The following GBGT1 variants were observed in gnomAD, a reference collection of about 807,000 sequenced individuals.
GBGT1 encodes the protein globoside alpha-1,3-N-acetylgalactosaminyltransferase 1.
GBGT1 carries 18 observed loss-of-function variants against 20.9 expected under a neutral mutation model. The observed-to-expected ratio is 0.86, with a 90% confidence interval of 0.60 to 1.28. GBGT1 has a LOEUF of 1.28. Among genes scored for constraint, GBGT1 ranks in the 50% most tolerant of loss-of-function variants. The pLI, the probability that GBGT1 is intolerant of heterozygous loss-of-function variation, is 0.00. For synonymous variants in GBGT1, 168 were observed against 180.8 expected, an observed-to-expected ratio of 0.93 and a Z score of 0.57; for missense variants, 432 against 455.7, an observed-to-expected ratio of 0.95 and a Z score of 0.47.
At position 133,153,747 on chromosome 9, in the gene GBGT1, T is replaced by C. The variant is rs760073555; in HGVS notation, c.874A>G (p.Met292Val). The change falls in exon 7 of 7, where the codon ATG (methionine) becomes GTG (valine). Residue 292 changes from methionine to valine, a missense_variant. By Grantham distance (21) the Met-to-Val change is conservative (BLOSUM62 1). Transcript: ENST00000372040. ...TGGCTTTCCTCCCGCCAGGCAGCCA[T>C]GATGCCATTGGCCTTGTCCGCCAGG... ...AILADKANGI[M>V]AAWREESHLN... is the part of the protein sequence containing the mutation. 2 of 1,613,234 alleles carry C rather than the reference T, an allele frequency of 1.2e-6. No homozygotes were observed. Among genetic ancestry groups the C allele is most frequent in the South Asian group, 2.2e-5 (2 of 90,940 alleles).
At chr9:133,158,961 T>C (rs1685931827) in intron 3 of GBGT1, among the ~76,000 whole-genome samples, 1 of 152,144 alleles carries the variant, frequency 6.6e-6, no homozygotes, top group African/African-American at 2.4e-5. Context: ...TAGCTACTTT[T>C]TTTTTTCTTT....
rs371319536 is a variant in GBGT1, at chr9:133,162,437, G to A, written c.-25C>T. On this transcript the variant is annotated 5_prime_UTR_variant, in exon 2 of 7. Transcript: ENST00000372040. ...TTGCTGGGGGCTGCACCTGAGCCTG[G>A]GCACTTGTAGAGACCCCCACTGGCC... 8.8e-6 allele frequency: 14 copies of A among 1,584,860 alleles called. No individual in the cohort carries two copies. The highest frequency in any genetic ancestry group is 1.3e-5 in the African/African-American group (1 of 74,670).
At chr9:133,158,382 G>A (rs913396788) in intron 3 of GBGT1, among the ~76,000 whole-genome samples, 5 of 152,060 alleles carry the variant, frequency 3.3e-5, no homozygotes, top group Non-Finnish European at 2.9e-5. Context: ...GAGCTCAAGC[G>A]GTCCTCCCAC....
In GBGT1 at chr9:133,153,151, C is replaced by T. The variant is rs1434104595; in HGVS notation, c.*426G>A. On this transcript the variant is annotated 3_prime_UTR_variant, in exon 7 of 7. Transcript: ENST00000372040. ...GGGAGACATCAAAGGACCCAGGACC[C>T]CTGTGACCAGAGAAAAGGGGTCTAG... The T allele has an allele frequency of 6.4e-6, 1 of 155,096 alleles. No homozygotes were observed. Among genetic ancestry groups the T allele is most frequent in the Admixed American group, 6.5e-5 (1 of 15,346 alleles). 9.6% of individuals were successfully genotyped at this position (155,096 alleles called of 1,614,324 possible). A position where few individuals can be genotyped will look rare whatever the true frequency, so the allele number is the denominator to read the frequency against.
chr9:133,157,501 T>C (rs1273647582), intron 3 of GBGT1, among the ~76,000 whole-genome samples: 3 of 152,250 alleles, frequency 2.0e-5, no homozygotes, highest in Non-Finnish European at 4.4e-5. Flanking sequence ...AAACCATCCT[T>C]AGCCTTAGCG....
In GBGT1 at chr9:133,155,226, T is replaced by C; in HGVS notation, c.311A>G (p.Tyr104Cys). The C allele has an allele frequency of 1.9e-6, 3 of 1,611,210 alleles. No individual in the cohort carries two copies. The highest frequency in any genetic ancestry group is 2.5e-6 in the Non-Finnish European group (3 of 1,179,208). Residue 104 changes from tyrosine to cysteine, a missense_variant, in exon 6 of 7, where the codon TAC becomes TGC. Coordinates refer to ENST00000372040, the MANE Select transcript of GBGT1 (RefSeq NM_021996.6). ...CCCAATGGTCAGGTTCAGTGGCTGG[T>C]AGATGTGCTGCAGAAGCTCTGGGTT... ...TFNPELLQHIYQPLNLTIGVT... is the reference protein window; with the variant it reads ...TFNPELLQHICQPLNLTIGVT...
chr9:133,162,618 T>G (rs1309907945), intron 1 of GBGT1, 86 bp from the exon 2 acceptor site: 2 of 584,980 alleles, frequency 3.4e-6, no homozygotes, highest in East Asian at 5.8e-5. Context: ...CTCCATTCAC[T>G]GCAACCTCTT....
At chr9:133,161,367 T>G (rs1833036419) in intron 3 of GBGT1, 100 bp downstream of exon 3, 1 of 647,688 alleles carries the variant, frequency 1.5e-6, no homozygotes, top group East Asian at 2.8e-5. Context: ...AACTTAGGAA[T>G]CAGGAACCGG....
intron 3 of GBGT1, among the ~76,000 whole-genome samples, chr9:133,159,504 G>A (rs1832969618): frequency 1.3e-5 from 2 of 152,174 alleles, no homozygotes; most frequent in Non-Finnish European, 2.9e-5. Flanking sequence ...TTACATACAA[G>A]AATACAAAAG....
At chr9:133,155,404 G>A (rs1012720278) in intron 5 of GBGT1, 92 bp from the exon 6 acceptor site, 4 of 1,488,602 alleles carry the variant, frequency 2.7e-6, no homozygotes, top group Non-Finnish European at 2.8e-6. Context: ...GTGACCCGGG[G>A]CAGCTTCGTC....
intron 6 of GBGT1, 41 bp downstream of exon 6, chr9:133,155,137 C>T: frequency 6.3e-7 from 1 of 1,582,688 alleles, no homozygotes; most frequent in Non-Finnish European, 8.7e-7. Flanking sequence ...ACTCCTGTGG[C>T]TCAGGGAGAC....
At position 133,155,314 on chromosome 9, in the gene GBGT1, T is replaced by TG. The variant is rs1321216951; in HGVS notation, c.225-3dup. ...GTGAGTGTCAGCAGCTGTGTGGGCC[T>TG]GGCAGCAGGGGGGCCGTGGGCACTG... On this transcript the variant is annotated splice_polypyrimidine_tract_variant and splice_region_variant and intron_variant, in intron 5 of 6. Transcript: ENST00000372040. The TG allele has an allele frequency of 6.2e-7, 1 of 1,613,902 alleles. No homozygotes were observed. Among genetic ancestry groups the TG allele is most frequent in the Admixed American group, 1.7e-5 (1 of 59,990 alleles).
chr9:133,161,107 C>T (rs766632174), intron 3 of GBGT1: 3 of 398,332 alleles, frequency 7.5e-6, no homozygotes, highest in Non-Finnish European at 1.3e-5. Flanking sequence ...GCAACAAGGT[C>T]AAGTCCTAAA....
chr9:133,161,559 C>A, intron 2 of GBGT1, 27 bp from the exon 3 acceptor site: 2 of 1,542,816 alleles, frequency 1.3e-6, no homozygotes, highest in South Asian at 2.3e-5. Context: ...GAAAAAAAAT[C>A]TGTTGATCCA....
chr9:133,161,653 C>T, intron 2 of GBGT1, 121 bp from the exon 3 acceptor site: 1 of 641,202 alleles, frequency 1.6e-6, no homozygotes, highest in Non-Finnish European at 2.7e-6. Flanking sequence ...GCCAGGTCCC[C>T]TGTCATTCTG....
intron 3 of GBGT1, chr9:133,161,221 C>T (rs1331258710): frequency 4.2e-6 from 2 of 470,602 alleles, no homozygotes; most frequent in Non-Finnish European, 7.5e-6. Flanking sequence ...AAGCAAGGCT[C>T]ACAGCTGTGC....
chr9:133,158,600 A>G (rs957639209), intron 3 of GBGT1, among the ~76,000 whole-genome samples: 2 of 152,142 alleles, frequency 1.3e-5, no homozygotes, highest in Non-Finnish European at 2.9e-5. Flanking sequence ...GAGTTTCAAT[A>G]CATCATGTAT....
chr9:133,155,963 A>G (rs777534578), intron 4 of GBGT1, 27 bp from the exon 5 acceptor site: 6 of 1,612,922 alleles, frequency 3.7e-6, no homozygotes, highest in South Asian at 1.1e-5. Context: ...CCAGTGATGG[A>G]GGAGAGCCAC....
At position 133,153,649 on chromosome 9, in the gene GBGT1, C is replaced by T. The variant is rs181478489; in HGVS notation, c.972G>A (p.Lys324=). The T allele has an allele frequency of 1.6e-5, 25 of 1,608,784 alleles. No individual in the cohort carries two copies. The East Asian group carries it at 2.0e-4, about 13-fold the overall frequency. The change falls in exon 7 of 7, where the codon AAG becomes AAA. Residue 324 remains lysine (K), a synonymous_variant. Transcript: ENST00000372040. ...TCAGCTTCAGGCTGGGTGGCTGGGG[C>T]TTCCTGTCGTCCCAGAGGTACTCGG... ...LSPEYLWDDR[K]PQPPSLKLIR... is the part of the protein sequence containing the mutation.
Sources: allele counts gnomAD v4.1 joint callset (sites outside exome capture counted in the v4.1 genomes callset), GRCh38; gene constraint gnomAD v4.1.1; transcripts MANE v1.5; gene names NCBI Gene and HGNC (gene_info 2026-07-23, HGNC 2026-07-21).